ABL1: variants seen among roughly 807,000 people sequenced by gnomAD.
The protein encoded by ABL1 is ABL proto-oncogene 1, non-receptor tyrosine kinase, also known as tyrosine-protein kinase ABL1.
ABL1 carries 11 observed loss-of-function variants against 94.7 expected under a neutral mutation model. The ratio of observed to expected loss-of-function variants is 0.12; its 90% CI spans 0.07 to 0.19. ABL1 has a LOEUF of 0.19. Among genes scored for constraint, ABL1 ranks in the 10% least tolerant of loss-of-function variants. The probability of loss-of-function intolerance (pLI) is 1.00; values close to 1 mark genes in which losing one functional copy is unlikely to be tolerated. For synonymous variants in ABL1, 656 were observed against 622.4 expected (o/e 1.05, Z -0.80); for missense variants, 1,082 against 1,489.4 (o/e 0.73, Z 4.50).
At chr9:130,852,438 G>A (rs1477042192) in intron 1 of ABL1, among the ~76,000 whole-genome samples, 1 of 152,088 alleles carries the variant, frequency 6.6e-6, no homozygotes, top group Admixed American at 6.5e-5. Context: ...CCTGAGCTCA[G>A]GCTCAGGCAA....
intron 1 of ABL1, among the ~76,000 whole-genome samples, chr9:130,744,298 A>G (rs1273595742): frequency 1.3e-5 from 2 of 151,578 alleles, no homozygotes; most frequent in Admixed American, 1.3e-4. Context: ...GCATGCCACC[A>G]TGCCCAGCTA....
intron 1 of ABL1, among the ~76,000 whole-genome samples, chr9:130,745,784 T>A (rs1206299414): frequency 6.6e-6 from 1 of 152,126 alleles, no homozygotes; most frequent in African/African-American, 2.4e-5. Flanking sequence ...AAGTCCTGCT[T>A]ACTTGACTGT....
intron 1 of ABL1, among the ~76,000 whole-genome samples, chr9:130,843,951 A>AT (rs1830718205): frequency 6.6e-6 from 1 of 152,070 alleles, no homozygotes; most frequent in South Asian, 2.1e-4. Context: ...AACCCCAGCC[A>AT]TTTTTTGAGG....
At chr9:130,843,307 C>T (rs192545602) in intron 1 of ABL1, among the ~76,000 whole-genome samples, 15 of 152,260 alleles carry the variant, frequency 9.9e-5, no homozygotes, top group African/African-American at 2.9e-4. Flanking sequence ...TAAGAGAAGA[C>T]GCGGTTGTTC....
intron 1 of ABL1, chr9:130,714,579 G>A (rs1831412880): frequency 5.4e-6 from 7 of 1,290,276 alleles, no homozygotes; most frequent in Non-Finnish European, 7.9e-6. Context: ...ATTTGTTACT[G>A]TAGTTATCTC....
chr9:130,859,110 A>G (rs1831020719), intron 3 of ABL1, among the ~76,000 whole-genome samples: 1 of 152,216 alleles, frequency 6.6e-6, no homozygotes, highest in African/African-American at 2.4e-5. Context: ...CCCTCTGTTG[A>G]CATAGCGGAA....
chr9:130,860,072 G>A (rs1009876172), intron 3 of ABL1, among the ~76,000 whole-genome samples: 1 of 152,148 alleles, frequency 6.6e-6, no homozygotes, highest in Non-Finnish European at 1.5e-5. Flanking sequence ...GCACCTGAGT[G>A]TTCATGGAAC....
At chr9:130,723,130 A>G (rs1432777734) in intron 1 of ABL1, among the ~76,000 whole-genome samples, 1 of 152,206 alleles carries the variant, frequency 6.6e-6, no homozygotes. Context: ...GGCTTCAGTA[A>G]GAGGAGGTCT....
At position 130,876,034 on chromosome 9, in the gene ABL1, G is replaced by A. The variant is rs927544569; in HGVS notation, c.1270+982G>A. Among the ~76,000 whole-genome samples, 38 of 152,162 alleles carry A rather than the reference G, an allele frequency of 2.5e-4. 1 individual carries two copies. Among genetic ancestry groups the A allele is most frequent in the Admixed American group, 2.3e-3 (35 of 15,264 alleles). On this transcript the variant is annotated intron_variant, in intron 7 of 10. Coordinates refer to ENST00000318560, the MANE Select transcript of ABL1 (RefSeq NM_005157.6). Reference sequence around the variant, plus strand: ...GTAGAGACGGGGTTTTACCATGTTGGCCAGGATGGTCTCCAACTCCTGACT... The same window carrying A: ...GTAGAGACGGGGTTTTACCATGTTGACCAGGATGGTCTCCAACTCCTGACT...
In ABL1 at chr9:130,714,456, G is replaced by A; in HGVS notation, c.136+1G>A. On this transcript the variant is annotated splice_donor_variant, in intron 1 of 10. Transcript: ENST00000372348. LOFTEE classifies it high-confidence loss of function. Reference sequence around the variant, plus strand: ...CACTGCAATGTTTTTGTGGAACATGGTGAGTGCTTTTCAAAATTTCTGCTC... The same window carrying A: ...CACTGCAATGTTTTTGTGGAACATGATGAGTGCTTTTCAAAATTTCTGCTC... 1 of 1,614,204 alleles carries A rather than the reference G, an allele frequency of 6.2e-7. No homozygotes were observed. Among genetic ancestry groups the A allele is most frequent in the Non-Finnish European group, 8.5e-7 (1 of 1,180,042 alleles).
chr9:130,746,117 G>A (rs2253070), intron 1 of ABL1, among the ~76,000 whole-genome samples: 33,522 of 152,004 alleles, frequency 0.22, 3,973 homozygotes, highest in Middle Eastern at 0.4. Flanking sequence ...GCAGACACCA[G>A]CAAAACGTCC....
intron 1 of ABL1, among the ~76,000 whole-genome samples, chr9:130,809,381 TGAGA>T (rs370101656): frequency 0.015 from 2,052 of 132,606 alleles, 32 homozygotes; most frequent in East Asian, 0.039. Context: ...TGAAGGTTCT[TGAGA>T]GAGAGAGAGA....
intron 1 of ABL1, among the ~76,000 whole-genome samples, chr9:130,813,672 A>C (rs1025232946): frequency 1.3e-5 from 2 of 152,190 alleles, no homozygotes; most frequent in African/African-American, 4.8e-5. Context: ...TTTGGAAAAT[A>C]ACATAATTTT....
intron 1 of ABL1, among the ~76,000 whole-genome samples, chr9:130,806,634 G>C (rs1368374208): frequency 7.0e-6 from 1 of 142,800 alleles, no homozygotes; most frequent in Non-Finnish European, 1.5e-5. Flanking sequence ...GGACAACAAA[G>C]TGAAGTGAAG....
exon 1 of ABL1, among the ~76,000 whole-genome samples, chr9:130,713,620 C>T (rs543188391): frequency 2.6e-5 from 4 of 152,342 alleles, no homozygotes; most frequent in East Asian, 1.9e-4. Flanking sequence ...GCCCTGACTT[C>T]TTCCAATGTC....
At chr9:130,781,247 T>C (rs1470199406) in intron 1 of ABL1, among the ~76,000 whole-genome samples, 1 of 152,198 alleles carries the variant, frequency 6.6e-6, no homozygotes, top group Admixed American at 6.5e-5. Context: ...GTAGAATGAT[T>C]TTTTTCTTTG....
rs1831583831 is a variant in ABL1, at chr9:130,886,338, C to T, written c.*655C>T. 4.3e-6 allele frequency: 1 copy of T among 234,222 alleles called. No individual in the cohort carries two copies. Among genetic ancestry groups the T allele is most frequent in the Non-Finnish European group, 8.4e-6 (1 of 118,574 alleles). The allele number at this position is 234,222 out of a possible 1,614,324, so 14.5% of individuals were successfully genotyped here. Reference sequence around the variant, plus strand: ...TGGAAAACAGGGTGCTAAAGCCAACCAGCCTTTGGGTCCTGGGCAGGTGGG... The same window carrying T: ...TGGAAAACAGGGTGCTAAAGCCAACTAGCCTTTGGGTCCTGGGCAGGTGGG... On this transcript the variant is annotated 3_prime_UTR_variant, in exon 11 of 11. Coordinates refer to ENST00000318560, the MANE Select transcript of ABL1 (RefSeq NM_005157.6).
chr9:130,819,680 G>A (rs1426832003), intron 1 of ABL1, among the ~76,000 whole-genome samples: 1 of 151,056 alleles, frequency 6.6e-6, no homozygotes, highest in Admixed American at 6.6e-5. Context: ...CTGGGACTAC[G>A]GGCACACACC....
In ABL1 at chr9:130,874,908, T is replaced by G; in HGVS notation, c.1126T>G (p.Leu376Val). Residue 376 changes from leucine (L) to valine (V), a missense_variant, in exon 7 of 11, where the codon TTG (leucine) becomes GTG (valine). Around this residue, in one of 7 missense-constraint regions of ABL1, gnomAD observed 76 missense variants for 177.1 expected, o/e 0.43. Transcript: ENST00000318560. ...ARNCLVGENH[L>V]VKVADFGLSR... ...AAACTGCCTGGTAGGGGAGAACCAC[T>G]TGGTGAAGGTAGCTGATTTTGGCCT... 6.2e-7 allele frequency: 1 copy of G among 1,614,184 alleles called. No homozygotes were observed. The highest frequency in any genetic ancestry group is 8.5e-7 in the Non-Finnish European group (1 of 1,180,026).
Sources: gnomAD v4.1 joint callset for allele counts (sites outside exome capture counted in the v4.1 genomes callset) on GRCh38, gnomAD v4.1.1 for gene constraint, gnomAD v4.1.1 regional missense constraint, MANE v1.5 for transcripts, NCBI Gene and HGNC (gene_info 2026-07-23, HGNC 2026-07-21) for gene names.